The following RFX3 variants were observed in gnomAD, a reference collection of about 807,000 sequenced individuals.
RFX3 encodes the protein regulatory factor X3.
Under a neutral mutation model 98.6 loss-of-function variants are expected in RFX3, and 14 were observed. The ratio of observed to expected loss-of-function variants is 0.14; its 90% confidence interval spans 0.09 to 0.22. RFX3 has a LOEUF of 0.22. Ranked by LOEUF, RFX3 falls within the 10% of genes least tolerant of loss-of-function variation. The pLI is 1.00. For synonymous variants in RFX3, 383 were observed against 328.4 expected (o/e 1.17, Z -1.80); for missense variants, 639 against 926.9 (o/e 0.69, Z 4.03).
chr9:3,233,896 A>G (rs1468294287), intron 15 of RFX3, among the ~76,000 whole-genome samples: 2 of 152,150 alleles, frequency 1.3e-5, no homozygotes, highest in African/African-American at 2.4e-5. Flanking sequence ...AAATATCATC[A>G]TTATCTCCCA....
intron 2 of RFX3, among the ~76,000 whole-genome samples, chr9:3,352,285 T>G (rs1283558380): frequency 6.6e-6 from 1 of 152,002 alleles, no homozygotes; most frequent in Non-Finnish European, 1.5e-5. Context: ...AGCATATATG[T>G]TCGTATGTGT....
intron 1 of RFX3, among the ~76,000 whole-genome samples, chr9:3,460,172 T>G (rs760712023): frequency 2.0e-5 from 3 of 152,056 alleles, no homozygotes; most frequent in Non-Finnish European, 4.4e-5. Context: ...AGCTTTATTG[T>G]AGGGAATGTG....
intron 7 of RFX3, among the ~76,000 whole-genome samples, chr9:3,279,501 A>T (rs1199060394): frequency 1.3e-5 from 2 of 151,864 alleles, no homozygotes; most frequent in Non-Finnish European, 2.9e-5. Flanking sequence ...AATTATTACA[A>T]GACTTTGCCC....
chr9:3,366,513 T>G (rs1464937778), intron 2 of RFX3, among the ~76,000 whole-genome samples: 2 of 152,240 alleles, frequency 1.3e-5, no homozygotes, highest in Non-Finnish European at 2.9e-5. Context: ...GTGATGTGCT[T>G]ATTTATTCCT....
chr9:3,410,750 A>G (rs555949178), intron 1 of RFX3, among the ~76,000 whole-genome samples: 13 of 152,354 alleles, frequency 8.5e-5, no homozygotes, highest in African/African-American at 2.6e-4. Flanking sequence ...ATGTTTTCCA[A>G]TTACCTCTTT....
intron 5 of RFX3, among the ~76,000 whole-genome samples, chr9:3,300,103 C>A (rs1440285842): frequency 6.6e-6 from 1 of 151,356 alleles, no homozygotes; most frequent in African/African-American, 2.4e-5. Context: ...AATCATCACC[C>A]CCCGGACACA....
intron 1 of RFX3, among the ~76,000 whole-genome samples, chr9:3,399,596 T>C (rs1339546801): frequency 6.6e-6 from 1 of 152,196 alleles, no homozygotes; most frequent in African/African-American, 2.4e-5. Flanking sequence ...CATTTGAGTT[T>C]GTGACTCTTT....
intron 1 of RFX3, among the ~76,000 whole-genome samples, chr9:3,417,178 T>C (rs1223814483): frequency 6.6e-6 from 1 of 152,064 alleles, no homozygotes; most frequent in Non-Finnish European, 1.5e-5. Flanking sequence ...TATGTACCTA[T>C]TGTCAGAACT....
chr9:3,373,350 C>T (rs1279526740), intron 2 of RFX3, among the ~76,000 whole-genome samples: 3 of 152,120 alleles, frequency 2.0e-5, no homozygotes, highest in Non-Finnish European at 4.4e-5. Context: ...ATAAACATTC[C>T]ACACTTCAGA....
chr9:3,460,945 G>A (rs1847630957), intron 1 of RFX3, among the ~76,000 whole-genome samples: 1 of 151,740 alleles, frequency 6.6e-6, no homozygotes, highest in South Asian at 2.1e-4. Flanking sequence ...TTACTCTAAT[G>A]TATTTAATGT....
At chr9:3,482,970 C>A (rs1034016065) in intron 1 of RFX3, among the ~76,000 whole-genome samples, 13 of 152,160 alleles carry the variant, frequency 8.5e-5, no homozygotes, top group African/African-American at 3.1e-4. Context: ...AGACTATCCA[C>A]AACCAATCTT....
intron 4 of RFX3, among the ~76,000 whole-genome samples, chr9:3,314,206 G>A (rs1296741205): frequency 6.6e-6 from 1 of 152,114 alleles, no homozygotes; most frequent in African/African-American, 2.4e-5. Flanking sequence ...GAAGACAGTG[G>A]GGGCCAATAT....
chr9:3,306,835 C>A (rs1051618629), intron 4 of RFX3, among the ~76,000 whole-genome samples: 1 of 151,876 alleles, frequency 6.6e-6, no homozygotes, highest in East Asian at 1.9e-4. Flanking sequence ...GCAAAGCAAA[C>A]AAGATAAGAT....
chr9:3,229,341 C>T (rs1233721222), intron 15 of RFX3, among the ~76,000 whole-genome samples: 2 of 152,150 alleles, frequency 1.3e-5, no homozygotes, highest in Non-Finnish European at 2.9e-5. Context: ...TGGCTGAACT[C>T]TATTTTTAAA....
rs139389939 is a variant in RFX3, at chr9:3,311,948, C to A, written c.475-10328G>T. 6.7e-3 allele frequency among the ~76,000 whole-genome samples: 1,020 copies of A among 152,194 alleles called. 4 individuals are homozygous for A. The highest frequency in any genetic ancestry group is 9.9e-3 in the Non-Finnish European group (673 of 68,006). On this transcript the variant is annotated intron_variant, in intron 4 of 16. Coordinates refer to ENST00000617270, the MANE Select transcript of RFX3 (RefSeq NM_001282116.2). Reference sequence around the variant, plus strand: ...AACCTCTACAATGGAGACTCTGTCCCCAGGCCTTTCATACATGTATTGTAA... The same window carrying A: ...AACCTCTACAATGGAGACTCTGTCCACAGGCCTTTCATACATGTATTGTAA...
At chr9:3,467,066 A>AAGTATATATGTATATACATACATATATG (rs1848308361) in intron 1 of RFX3, among the ~76,000 whole-genome samples, 2 of 123,322 alleles carry the variant, frequency 1.6e-5, no homozygotes, top group African/African-American at 6.3e-5. Context: ...ATACATATAT[A>AAGTATATATGTATATACATACATATATG]TAAGTATATA....
chr9:3,314,169 A>C (rs936115572), intron 4 of RFX3, among the ~76,000 whole-genome samples: 2 of 152,212 alleles, frequency 1.3e-5, no homozygotes. Context: ...CTAACAGCGG[A>C]TCTCTTGGCA....
rs1294485134 is a variant in RFX3 at position 3,330,352 on chromosome 9, G to A, written c.381C>T (p.Leu127=). The stretch of plus-strand genomic sequence containing the variant: ...GATAGGTTCCTCCAGAGCTGCTGAT[G>A]AGTTGTCCTCCTGTGACGCCCATCT... ...GIQMGVTGGQ[L]ISSSGGTYLI... is the part of the protein sequence containing the mutation. Residue 127 remains leucine (L), a synonymous_variant, in exon 4 of 17, where the codon CTC becomes CTT. Transcript: ENST00000617270. 6.2e-7 allele frequency: 1 copy of A among 1,614,014 alleles called. No individual in the cohort carries two copies. Among genetic ancestry groups the A allele is most frequent in the Non-Finnish European group, 8.5e-7 (1 of 1,180,030 alleles).
chr9:3,455,471 T>C (rs141135013), intron 1 of RFX3, among the ~76,000 whole-genome samples: 5 of 152,336 alleles, frequency 3.3e-5, no homozygotes, highest in African/African-American at 1.2e-4. Context: ...ATAGCTGCAA[T>C]TTACATTTAC....
Sources: allele counts gnomAD v4.1 joint callset (sites outside exome capture counted in the v4.1 genomes callset), GRCh38; gene constraint gnomAD v4.1.1; transcripts MANE v1.5; gene names NCBI Gene and HGNC (gene_info 2026-07-23, HGNC 2026-07-21).